The following CDYL2 variants were observed in gnomAD, a reference collection of about 807,000 sequenced individuals.
CDYL2 encodes the protein chromodomain Y-like protein 2.
A neutral mutation model predicts 49.4 loss-of-function variants in CDYL2; 23 were observed. That is an observed-to-expected ratio of 0.47 (90% confidence interval 0.34 to 0.66). The LOEUF (loss-of-function observed/expected upper bound fraction) is 0.66. CDYL2 is among the 30% of genes least tolerant of loss of function. The pLI, the probability that CDYL2 is intolerant of heterozygous loss-of-function variation, is 0.01. For synonymous variants in CDYL2, 360 were observed against 268.8 expected, an observed-to-expected ratio of 1.34 and a Z score of -3.32; for missense variants, 678 against 656.4, an observed-to-expected ratio of 1.03 and a Z score of -0.36.
chr16:80,654,655 A>C (rs1328607420), intron 2 of CDYL2, among the ~76,000 whole-genome samples: 1 of 152,164 alleles, frequency 6.6e-6, no homozygotes, highest in African/African-American at 2.4e-5. Flanking sequence ...GACCAGGCCT[A>C]AGGCAGGGAC....
At chr16:80,656,403 C>G (rs1429938696) in intron 2 of CDYL2, among the ~76,000 whole-genome samples, 3 of 152,256 alleles carry the variant, frequency 2.0e-5, no homozygotes, top group African/African-American at 7.2e-5. Flanking sequence ...GGGGCACTGC[C>G]TGCATTCAGA....
At chr16:80,727,031 A>T (rs1024900136) in intron 1 of CDYL2, among the ~76,000 whole-genome samples, 4 of 152,228 alleles carry the variant, frequency 2.6e-5, no homozygotes, top group Admixed American at 2.6e-4. Flanking sequence ...GGCTGCAGTG[A>T]GCCATGACTG....
chr16:80,711,985 A>G (rs1429076304), intron 1 of CDYL2, among the ~76,000 whole-genome samples: 1 of 151,012 alleles, frequency 6.6e-6, no homozygotes, highest in Non-Finnish European at 1.5e-5. Flanking sequence ...ACATATATAT[A>G]TGTATGTATA....
rs113135647 is a variant in CDYL2, at chr16:80,740,182, G to A, written c.25-55053C>T. Among the ~76,000 whole-genome samples, 3 of 152,284 alleles carry A rather than the reference G, an allele frequency of 2.0e-5. 1 individual carries two copies. Among genetic ancestry groups the A allele is most frequent in the African/African-American group, 7.2e-5 (3 of 41,558 alleles). ...GTGTTCCTTGCTAACCTTGCTCTGTGGAATGAGCACGTCCAGGAAGATGCA... is the reference window on the plus strand; with the variant it reads ...GTGTTCCTTGCTAACCTTGCTCTGTAGAATGAGCACGTCCAGGAAGATGCA... On this transcript the variant is annotated intron_variant, in intron 1 of 6. Coordinates refer to ENST00000570137, the MANE Select transcript of CDYL2 (RefSeq NM_152342.4).
Position 80,599,828 on chromosome 16 carries a change from G to C in CDYL2, c.*4560C>G, listed in dbSNP as rs1264354333. On this transcript the variant is annotated 3_prime_UTR_variant, in exon 7 of 7. Transcript: ENST00000570137. ...TAAACCATGTTTACAGTATGAAGGT[G>C]TCTCTGGAAAACCTATCCTTGGTCT... 6.6e-6 allele frequency: 1 copy of C among 152,186 alleles called. No homozygotes were observed. Among genetic ancestry groups the C allele is most frequent in the African/African-American group, 2.4e-5 (1 of 41,430 alleles). The allele number at this position is 152,186 out of a possible 1,614,324, so 9.4% of individuals were successfully genotyped here.
chr16:80,608,644 A>C (rs984155572), intron 5 of CDYL2, among the ~76,000 whole-genome samples: 19 of 152,134 alleles, frequency 1.2e-4, no homozygotes, highest in Non-Finnish European at 2.6e-4. Flanking sequence ...TAGATAATAA[A>C]GCTCAAGTGG....
intron 2 of CDYL2, chr16:80,679,886 C>T: frequency 2.4e-6 from 1 of 416,788 alleles, no homozygotes; most frequent in Non-Finnish European, 4.8e-6. Flanking sequence ...CCACACTACA[C>T]CTACTAAATC....
At chr16:80,765,624 C>T (rs1906692831) in intron 1 of CDYL2, among the ~76,000 whole-genome samples, 1 of 147,834 alleles carries the variant, frequency 6.8e-6, no homozygotes, top group African/African-American at 2.5e-5. Context: ...ATGTTCACAG[C>T]AGCATAATTC....
intron 1 of CDYL2, among the ~76,000 whole-genome samples, chr16:80,741,346 TA>T (rs904538214): frequency 2.8e-4 from 42 of 148,766 alleles, no homozygotes; most frequent in African/African-American, 6.1e-4. Context: ...GAATTAAATG[TA>T]AAAAAAAAAT....
At chr16:80,657,931 C>T (rs183952159) in intron 2 of CDYL2, among the ~76,000 whole-genome samples, 15 of 152,120 alleles carry the variant, frequency 9.9e-5, no homozygotes, top group African/African-American at 1.2e-4. Context: ...AAATAAACTA[C>T]GATGCACCCA....
At chr16:80,754,703 G>A (rs1165629013) in intron 1 of CDYL2, among the ~76,000 whole-genome samples, 2 of 152,190 alleles carry the variant, frequency 1.3e-5, no homozygotes, top group Non-Finnish European at 2.9e-5. Flanking sequence ...GATTCCGTGA[G>A]GGAATACACA....
intron 3 of CDYL2, among the ~76,000 whole-genome samples, chr16:80,630,293 AC>A (rs1567547554): frequency 1.3e-5 from 2 of 152,168 alleles, no homozygotes; most frequent in African/African-American, 2.4e-5. Context: ...GGAGGTGAGA[AC>A]CTGTGCACCT....
chr16:80,703,806 G>C (rs895431479), intron 1 of CDYL2, among the ~76,000 whole-genome samples: 1 of 152,084 alleles, frequency 6.6e-6, no homozygotes, highest in Non-Finnish European at 1.5e-5. Flanking sequence ...TCTGATTCCA[G>C]ACCACACCTG....
chr16:80,636,121 G>T (rs964542703), intron 2 of CDYL2, among the ~76,000 whole-genome samples: 3 of 152,088 alleles, frequency 2.0e-5, no homozygotes, highest in African/African-American at 7.2e-5. Context: ...GAAAACCTAG[G>T]CAATACCATT....
intron 6 of CDYL2, among the ~76,000 whole-genome samples, chr16:80,605,073 TTATAG>T (rs143638448): frequency 0.049 from 7,508 of 152,048 alleles, 587 homozygotes; most frequent in African/African-American, 0.17. Flanking sequence ...TTCATAATCA[TTATAG>T]TAAAGAGTAA....
chr16:80,664,804 C>T (rs1268800857), intron 2 of CDYL2, among the ~76,000 whole-genome samples: 1 of 152,100 alleles, frequency 6.6e-6, no homozygotes, highest in African/African-American at 2.4e-5. Context: ...ATTTCACCTG[C>T]ATATACCTCA....
At chr16:80,803,569 G>A (rs867586362) in intron 1 of CDYL2, among the ~76,000 whole-genome samples, 5 of 151,220 alleles carry the variant, frequency 3.3e-5, no homozygotes, top group Admixed American at 1.3e-4. Context: ...GGAGCGGTTT[G>A]GCGGTTGTCC....
At chr16:80,650,240 A>G (rs189591653) in intron 2 of CDYL2, among the ~76,000 whole-genome samples, 4 of 152,352 alleles carry the variant, frequency 2.6e-5, no homozygotes, top group Non-Finnish European at 4.4e-5. Context: ...ATTAATAACC[A>G]GCATATATAA....
chr16:80,652,563 G>T (rs1209952591), intron 2 of CDYL2, among the ~76,000 whole-genome samples: 3 of 152,218 alleles, frequency 2.0e-5, no homozygotes, highest in Non-Finnish European at 4.4e-5. Context: ...TCCTGAGTGA[G>T]CACCACGCAC....
Sources: allele counts gnomAD v4.1 joint callset (sites outside exome capture counted in the v4.1 genomes callset), GRCh38; gene constraint gnomAD v4.1.1; transcripts MANE v1.5; gene names NCBI Gene and HGNC (gene_info 2026-07-23, HGNC 2026-07-21).